The following GOLGB1 variants were observed in gnomAD, a reference collection of about 807,000 sequenced individuals.
GOLGB1 encodes the protein golgin subfamily B member 1.
Under a neutral mutation model 336.9 loss-of-function variants are expected in GOLGB1, and 174 were observed. The observed-to-expected ratio is 0.52, with a 90% CI of 0.46 to 0.59. The LOEUF (loss-of-function observed/expected upper bound fraction) is 0.59. Among genes scored for constraint, GOLGB1 ranks in the 20% least tolerant of loss-of-function variants. The probability of loss-of-function intolerance (pLI) is 0.00; values close to 1 mark genes in which losing one functional copy is unlikely to be tolerated. For missense variants in GOLGB1, 3,331 were observed against 3,645.3 expected (o/e 0.91, Z 2.22); for synonymous variants, 1,208 against 1,289.2 (o/e 0.94, Z 1.35).
intron 14 of GOLGB1, among the ~76,000 whole-genome samples, chr3:121,683,925 C>T (rs951719370): frequency 2.0e-5 from 3 of 151,642 alleles, no homozygotes; most frequent in South Asian, 2.1e-4. Context: ...GTCAAGAGAT[C>T]GAGACCATCC....
chr3:121,714,519 G>A (rs1171227642), intron 10 of GOLGB1, among the ~76,000 whole-genome samples: 13 of 149,972 alleles, frequency 8.7e-5, no homozygotes, highest in Admixed American at 2.0e-4. Context: ...TCAAATCTTA[G>A]TTTACCAAAA....
intron 1 of GOLGB1, among the ~76,000 whole-genome samples, chr3:121,746,434 C>A (rs2108448395): frequency 6.6e-6 from 1 of 151,754 alleles, no homozygotes; most frequent in Non-Finnish European, 1.5e-5. Flanking sequence ...ACATAACTTA[C>A]TTTTCGTTAT....
chr3:121,744,232 A>C (rs1322044573), intron 1 of GOLGB1, among the ~76,000 whole-genome samples: 2 of 152,140 alleles, frequency 1.3e-5, no homozygotes, highest in African/African-American at 4.8e-5. Flanking sequence ...CTGTAAGATA[A>C]GTATTATCAT....
Position 121,696,182 on chromosome 3 carries a change from C to CTG in GOLGB1, c.4339_4340dup (p.Gln1447HisfsTer3). ...CATGCTCTTTGGCTTGCATTTCTAG[C>CTG]TGTGTATGCAGAGCCTTAATTAAAT... On this transcript the variant is annotated frameshift_variant, in exon 13 of 22. Transcript: ENST00000614479. LOFTEE classifies it high-confidence loss of function. The CTG allele has an allele frequency of 6.2e-7, 1 of 1,614,058 alleles. No individual in the cohort carries two copies. Among genetic ancestry groups the CTG allele is most frequent in the Non-Finnish European group, 8.5e-7 (1 of 1,179,956 alleles).
chr3:121,667,136 T>C (rs1938738679), intron 20 of GOLGB1, among the ~76,000 whole-genome samples: 1 of 152,200 alleles, frequency 6.6e-6, no homozygotes, highest in Admixed American at 6.5e-5. Flanking sequence ...TTTCCATGGA[T>C]TCAGATCTCA....
In GOLGB1 at chr3:121,690,934, T is replaced by A; in HGVS notation, c.8430A>T (p.Lys2810Asn). 1 of 1,614,194 alleles carries A rather than the reference T, an allele frequency of 6.2e-7. No individual in the cohort carries two copies. The highest frequency in any genetic ancestry group is 1.1e-5 in the South Asian group (1 of 91,084). The change falls in exon 14 of 22, where the codon AAA becomes AAT. Residue 2810 changes from lysine to asparagine, a missense_variant. By Grantham distance (94) the Lys-to-Asn change is moderately conservative. Transcript: ENST00000614479. ...TEENSLSHLE[K>N]LNQQLLSKDE... is the part of the protein sequence containing the mutation. ...CTTTGGATAGGAGCTGTTGGTTAAG[T>A]TTCTCAAGGTGAGACAAGCTATTCT...
At chr3:121,703,416 A>C (rs1943564019) in intron 10 of GOLGB1, among the ~76,000 whole-genome samples, 1 of 152,222 alleles carries the variant, frequency 6.6e-6, no homozygotes, top group Non-Finnish European at 1.5e-5. Flanking sequence ...GGCTTGAAGA[A>C]TGAGAAGAGT....
In GOLGB1 at chr3:121,747,565, G is replaced by A. The variant is rs573500326; in HGVS notation, c.-3+2067C>T. ...TTACAAAGGACTGCTGTGTAGCCAT[G>A]GAAAGGATGAGGTAGTTTTATACCC... On this transcript the variant is annotated intron_variant, in intron 1 of 21. Transcript: ENST00000614479. Among the ~76,000 whole-genome samples the A allele has an allele frequency of 5.9e-5, 9 of 151,704 alleles. No homozygotes were observed. The South Asian group carries it at 1.9e-3, about 31-fold the overall frequency.
intron 1 of GOLGB1, among the ~76,000 whole-genome samples, chr3:121,747,202 C>G (rs1193388231): frequency 1.1e-5 from 1 of 87,766 alleles, no homozygotes. Flanking sequence ...ATGGATGTTA[C>G]ATAACAAAAC....
intron 14 of GOLGB1, among the ~76,000 whole-genome samples, chr3:121,686,529 G>A (rs1280183283): frequency 6.6e-6 from 1 of 152,120 alleles, no homozygotes; most frequent in Non-Finnish European, 1.5e-5. Context: ...GATAAATACA[G>A]GCACCCCTAG....
chr3:121,676,766 A>T, intron 17 of GOLGB1, 127 bp downstream of exon 17: 1 of 789,166 alleles, frequency 1.3e-6, no homozygotes, highest in Non-Finnish European at 2.1e-6. Context: ...GGTTCTGAGA[A>T]AGGTGAAACT....
intron 1 of GOLGB1, among the ~76,000 whole-genome samples, chr3:121,739,344 T>C (rs1445374722): frequency 6.6e-6 from 1 of 152,004 alleles, no homozygotes; most frequent in Non-Finnish European, 1.5e-5. Context: ...AAAACGATCA[T>C]GATAACATCC....
rs1403401306 is a variant in GOLGB1, at chr3:121,719,754, C to T, written c.663G>A (p.Gln221=). 1.2e-6 allele frequency: 2 copies of T among 1,604,828 alleles called. No homozygotes were observed. The highest frequency in any genetic ancestry group is 1.1e-5 in the South Asian group (1 of 89,976). ...AEQAAQLSSM[Q]QVVREKDARF... ...GGGCATCTTTCTCTCGGACCACCTG[C>T]TGCATGGAACTCAACTGAAGACACA... The change falls in exon 7 of 22, where the codon CAG becomes CAA. Residue 221 remains glutamine (Q), a synonymous_variant. Transcript: ENST00000614479.
At chr3:121,679,823 T>C (rs905436229) in intron 15 of GOLGB1, among the ~76,000 whole-genome samples, 1 of 152,138 alleles carries the variant, frequency 6.6e-6, no homozygotes, top group Non-Finnish European at 1.5e-5. Context: ...GTGGTATCAG[T>C]GGAGGCAACA....
intron 15 of GOLGB1, among the ~76,000 whole-genome samples, chr3:121,681,170 C>A (rs1193276395): frequency 6.6e-6 from 1 of 152,044 alleles, no homozygotes; most frequent in Non-Finnish European, 1.5e-5. Context: ...ATACATACAA[C>A]AAAACTGATG....
Position 121,697,279 on chromosome 3 carries a change from T to G in GOLGB1, c.3244A>C (p.Arg1082=). ...GCCAGCTTTTCTTCCAAATCCTTCC[T>G]TATATGCTGTAGTTCCACTTCTTTC... The part of the protein sequence containing the change: ...SEKEVELQHI[R]KDLEEKLAAE... The change falls in exon 13 of 22, where the codon AGG becomes CGG. Residue 1082 remains arginine (R), a synonymous_variant. Transcript: ENST00000614479. 6.2e-7 allele frequency: 1 copy of G among 1,614,030 alleles called. No homozygotes were observed. Among genetic ancestry groups the G allele is most frequent in the East Asian group, 2.2e-5 (1 of 44,878 alleles).
intron 20 of GOLGB1, among the ~76,000 whole-genome samples, chr3:121,666,762 G>A (rs550167385): frequency 3.9e-5 from 6 of 152,156 alleles, no homozygotes; most frequent in Admixed American, 2.0e-4. Context: ...TGCTTTTAAC[G>A]ATATTTTCCG....
rs766162945 is a variant in GOLGB1 at position 121,698,143 on chromosome 3, C to T, written c.2380G>A (p.Ala794Thr). ...QRRLDYESQT[A>T]HDNLLTEQIH... is the part of the protein sequence containing the mutation. ...TGTTCAGTGAGCAGGTTGTCATGGG[C>T]AGTTTGGCTTTCATAATCAAGTCTT... The change falls in exon 13 of 22, where the codon GCC becomes ACC. Residue 794 changes from alanine (A) to threonine (T), a missense_variant. Coordinates refer to ENST00000614479, the MANE Select transcript of GOLGB1 (RefSeq NM_001366282.2). The T allele has an allele frequency of 3.1e-6, 5 of 1,613,790 alleles. No homozygotes were observed. The highest frequency in any genetic ancestry group is 4.2e-6 in the Non-Finnish European group (5 of 1,179,918).
intron 10 of GOLGB1, among the ~76,000 whole-genome samples, chr3:121,704,899 A>T (rs976222301): frequency 6.6e-6 from 1 of 152,188 alleles, no homozygotes; most frequent in Admixed American, 6.5e-5. Flanking sequence ...AAAAAAACTA[A>T]GAAAATTTTT....
Sources: gnomAD v4.1 joint callset for allele counts (sites outside exome capture counted in the v4.1 genomes callset) on GRCh38, gnomAD v4.1.1 for gene constraint, MANE v1.5 for transcripts, NCBI Gene and HGNC (gene_info 2026-07-23, HGNC 2026-07-21) for gene names.